Variants in CCSER1 observed in about 807,000 individuals in gnomAD.
The protein encoded by CCSER1 is serine-rich coiled-coil domain-containing protein 1.
In CCSER1, 41 loss-of-function variants were observed where a neutral mutation model predicts 82.0. The observed-to-expected ratio is 0.50, with a 90% CI of 0.39 to 0.65. The LOEUF is 0.65. CCSER1 is among the 30% of genes least tolerant of loss of function. CCSER1 has a pLI of 0.00. For missense variants in CCSER1, 1,119 were observed against 1,064.2 expected (o/e 1.05, Z -0.72); for synonymous variants, 414 against 383.9 (o/e 1.08, Z -0.92).
chr4:90,359,550 A>G (rs1433673036), intron 3 of CCSER1, among the ~76,000 whole-genome samples: 2 of 151,666 alleles, frequency 1.3e-5, no homozygotes, highest in African/African-American at 4.8e-5. Context: ...CCAGCCTGGC[A>G]AGGATGGTGA....
intron 10 of CCSER1, among the ~76,000 whole-genome samples, chr4:91,302,918 G>T (rs13135319): frequency 0.056 from 8,476 of 150,850 alleles, 318 homozygotes; most frequent in Middle Eastern, 0.082. Context: ...AATTTTTGAC[G>T]TTTTGCCCTA....
intron 1 of CCSER1, among the ~76,000 whole-genome samples, chr4:90,207,919 G>A (rs1159736778): frequency 6.6e-6 from 1 of 152,186 alleles, no homozygotes; most frequent in African/African-American, 2.4e-5. Flanking sequence ...GTGCTCCTGT[G>A]TGAGGTGTGT....
intron 6 of CCSER1, among the ~76,000 whole-genome samples, chr4:90,698,449 T>A (rs1737385992): frequency 6.6e-6 from 1 of 152,170 alleles, no homozygotes; most frequent in South Asian, 2.1e-4. Context: ...TCAAATCCAA[T>A]CTGTAGTGCA....
At chr4:91,162,028 G>T (rs1184353515) in intron 10 of CCSER1, among the ~76,000 whole-genome samples, 3 of 152,180 alleles carry the variant, frequency 2.0e-5, no homozygotes, top group Non-Finnish European at 2.9e-5. Flanking sequence ...CAAAGGGAAT[G>T]CTTGCAGTTT....
At chr4:90,804,027 T>C (rs2149711193) in intron 7 of CCSER1, among the ~76,000 whole-genome samples, 1 of 152,350 alleles carries the variant, frequency 6.6e-6, no homozygotes, top group African/African-American at 2.4e-5. Context: ...GAAATGTCTG[T>C]TCATATCCTT....
intron 6 of CCSER1, among the ~76,000 whole-genome samples, chr4:90,633,215 C>T (rs1358944318): frequency 3.3e-5 from 5 of 151,952 alleles, no homozygotes; most frequent in Non-Finnish European, 7.4e-5. Context: ...CATTCTGTTT[C>T]CAGGCTACCA....
chr4:91,135,663 C>A (rs575241418), intron 10 of CCSER1, among the ~76,000 whole-genome samples: 1 of 151,996 alleles, frequency 6.6e-6, no homozygotes, highest in African/African-American at 2.4e-5. Context: ...CATGCACACA[C>A]ATGAAGACAT....
chr4:91,279,908 T>A (rs1322911373), intron 10 of CCSER1, among the ~76,000 whole-genome samples: 2 of 152,122 alleles, frequency 1.3e-5, no homozygotes, highest in African/African-American at 4.8e-5. Flanking sequence ...AAGAAAGGAC[T>A]TTTTTCCTGA....
In CCSER1 at chr4:90,345,202, G is replaced by A. The variant is rs1579299856; in HGVS notation, c.1509+32155G>A. ...CAAACATTTAACAGAAATATGTGTA[G>A]GAATGTAGTAGGAGAACCACCAGCA... is the stretch of plus-strand genomic sequence containing the variant. On this transcript the variant is annotated intron_variant, in intron 3 of 10. Coordinates refer to ENST00000509176, the MANE Select transcript of CCSER1 (RefSeq NM_001145065.2). Among the ~76,000 whole-genome samples the A allele has an allele frequency of 5.3e-5, 8 of 152,196 alleles. No homozygotes were observed. In the South Asian group the frequency reaches 1.7e-3, roughly 32 times the overall value.
chr4:90,691,620 A>ATGTG (rs200551885), intron 6 of CCSER1, among the ~76,000 whole-genome samples: 1 of 144,776 alleles, frequency 6.9e-6, no homozygotes, highest in African/African-American at 2.5e-5. Flanking sequence ...ACATGTATAT[A>ATGTG]TGTGTATGTA....
chr4:90,378,033 C>T (rs1748636114), intron 3 of CCSER1, among the ~76,000 whole-genome samples: 1 of 152,070 alleles, frequency 6.6e-6, no homozygotes, highest in Non-Finnish European at 1.5e-5. Context: ...TTTGTTCATT[C>T]ATTAATTCAT....
intron 8 of CCSER1, among the ~76,000 whole-genome samples, chr4:90,905,556 G>A (rs1224985996): frequency 1.3e-5 from 2 of 151,990 alleles, no homozygotes; most frequent in Non-Finnish European, 2.9e-5. Context: ...AATAGAAATG[G>A]CATCTTTATG....
At chr4:91,465,568 G>T (rs535878023) in intron 10 of CCSER1, among the ~76,000 whole-genome samples, 2 of 152,120 alleles carry the variant, frequency 1.3e-5, no homozygotes, top group African/African-American at 4.8e-5. Flanking sequence ...CCAGGAGCTG[G>T]TTTTTTGAAA....
chr4:91,205,752 A>AT (rs1159204011), intron 10 of CCSER1, among the ~76,000 whole-genome samples: 1 of 147,632 alleles, frequency 6.8e-6, no homozygotes, highest in African/African-American at 2.5e-5. Flanking sequence ...TACATTCTCT[A>AT]TTTTTTGTCA....
At chr4:90,466,442 G>A (rs1763659223) in intron 4 of CCSER1, among the ~76,000 whole-genome samples, 1 of 152,158 alleles carries the variant, frequency 6.6e-6, no homozygotes, top group African/African-American at 2.4e-5. Flanking sequence ...CTGGAAGGAG[G>A]TAAATTCTGT....
At chr4:91,567,228 G>T (rs937129753) in intron 10 of CCSER1, among the ~76,000 whole-genome samples, 1 of 151,878 alleles carries the variant, frequency 6.6e-6, no homozygotes, top group South Asian at 2.1e-4. Flanking sequence ...TATTTTTATT[G>T]CACTATGATC....
chr4:91,384,910 A>T (rs1302009886), intron 10 of CCSER1, among the ~76,000 whole-genome samples: 1 of 152,132 alleles, frequency 6.6e-6, no homozygotes, highest in Non-Finnish European at 1.5e-5. Flanking sequence ...TATGATATTG[A>T]CAAAATCTCA....
chr4:91,573,682 T>G (rs924242609), intron 10 of CCSER1, among the ~76,000 whole-genome samples: 1 of 152,176 alleles, frequency 6.6e-6, no homozygotes, highest in Non-Finnish European at 1.5e-5. Context: ...GCTTTGCTTT[T>G]CTTTGTTTTC....
intron 10 of CCSER1, among the ~76,000 whole-genome samples, chr4:91,125,535 A>T (rs899018978): frequency 1.3e-5 from 2 of 151,718 alleles, no homozygotes; most frequent in African/African-American, 2.4e-5. Context: ...TGTGCTTTAG[A>T]AGATATTTCT....
Sources: allele counts gnomAD v4.1 joint callset (sites outside exome capture counted in the v4.1 genomes callset), GRCh38; gene constraint gnomAD v4.1.1; transcripts MANE v1.5; gene names NCBI Gene and HGNC (gene_info 2026-07-23, HGNC 2026-07-21).